Variants in ASAP2 observed in about 807,000 individuals in gnomAD.
ASAP2 encodes arf-GAP with SH3 domain, ANK repeat and PH domain-containing protein 2.
In ASAP2, 45 loss-of-function variants were observed where a neutral mutation model predicts 131.4. The ratio of observed to expected loss-of-function variants is 0.34; its 90% CI spans 0.27 to 0.44. The LOEUF (loss-of-function observed/expected upper bound fraction) is 0.44, where lower values mean the gene tolerates loss of function less well. Ranked by LOEUF, ASAP2 falls within the 20% of genes least tolerant of loss-of-function variation. ASAP2 has a pLI of 1.00. For synonymous variants in ASAP2, 510 were observed against 503.0 expected, an observed-to-expected ratio of 1.01 and a Z score of -0.19; for missense variants, 1,011 against 1,297.0, an observed-to-expected ratio of 0.78 and a Z score of 3.39.
chr2:9,294,296 G>A (rs1213912958), intron 2 of ASAP2, among the ~76,000 whole-genome samples: 1 of 152,072 alleles, frequency 6.6e-6, no homozygotes, highest in African/African-American at 2.4e-5. Context: ...ACCGTGTCCG[G>A]CCACTAATTT....
At chr2:9,332,300 G>T (rs1670896742) in intron 7 of ASAP2, among the ~76,000 whole-genome samples, 1 of 152,104 alleles carries the variant, frequency 6.6e-6, no homozygotes, top group South Asian at 2.1e-4. Flanking sequence ...AAGGAATAGT[G>T]TTCCTTTTCT....
At chr2:9,262,513 C>T (rs1253786600) in intron 1 of ASAP2, among the ~76,000 whole-genome samples, 1 of 152,162 alleles carries the variant, frequency 6.6e-6, no homozygotes, top group Non-Finnish European at 1.5e-5. Flanking sequence ...GAGGTGGAGT[C>T]CGTTTTTGAG....
At chr2:9,385,631 G>A (rs1234364179) in intron 21 of ASAP2, among the ~76,000 whole-genome samples, 1 of 152,176 alleles carries the variant, frequency 6.6e-6, no homozygotes, top group Non-Finnish European at 1.5e-5. Flanking sequence ...TGGCGGGGGG[G>A]TTGATTCCAG....
intron 15 of ASAP2, 76 bp from the exon 16 acceptor site, chr2:9,368,349 A>G: frequency 7.6e-7 from 1 of 1,309,224 alleles, no homozygotes; most frequent in Admixed American, 1.7e-5. Context: ...ATAAATCATC[A>G]GATGGGGATG....
intron 1 of ASAP2, among the ~76,000 whole-genome samples, chr2:9,270,785 A>ATTTTTTTTT (rs35913703): frequency 3.6e-4 from 19 of 52,932 alleles, no homozygotes; most frequent in Admixed American, 1.1e-3. Context: ...AATTGTTTTC[A>ATTTTTTTTT]TTTTTTTTTT....
At chr2:9,244,374 A>G (rs1664191358) in intron 1 of ASAP2, among the ~76,000 whole-genome samples, 1 of 152,222 alleles carries the variant, frequency 6.6e-6, no homozygotes, top group Non-Finnish European at 1.5e-5. Flanking sequence ...CACTGAGATT[A>G]GGAATAAGTT....
chr2:9,208,331 G>C (rs1661284392), intron 1 of ASAP2, among the ~76,000 whole-genome samples: 1 of 141,288 alleles, frequency 7.1e-6, no homozygotes. Context: ...GCCTGGGCTA[G>C]CAGGAGTGTG....
At chr2:9,307,337 C>G (rs1262101081) in intron 3 of ASAP2, among the ~76,000 whole-genome samples, 1 of 152,090 alleles carries the variant, frequency 6.6e-6, no homozygotes, top group Non-Finnish European at 1.5e-5. Context: ...GCTTCCGACT[C>G]TCACCCTTGG....
chr2:9,238,484 A>C (rs1377488714), intron 1 of ASAP2, among the ~76,000 whole-genome samples: 1 of 152,114 alleles, frequency 6.6e-6, no homozygotes, highest in African/African-American at 2.4e-5. Flanking sequence ...ACTTTCATCC[A>C]CCTTCCCATG....
intron 2 of ASAP2, among the ~76,000 whole-genome samples, chr2:9,289,497 C>T (rs145947560): frequency 9.0e-4 from 137 of 152,196 alleles, no homozygotes; most frequent in African/African-American, 2.9e-3. Context: ...AAAGTAAATG[C>T]GGATACATTC....
intron 20 of ASAP2, among the ~76,000 whole-genome samples, chr2:9,382,221 CA>C (rs1674911691): frequency 6.6e-6 from 1 of 152,124 alleles, no homozygotes; most frequent in Non-Finnish European, 1.5e-5. Flanking sequence ...TGACCTCAAG[CA>C]ATCCACCCGC....
At chr2:9,305,282 A>G (rs1347863246) in intron 3 of ASAP2, among the ~76,000 whole-genome samples, 5 of 146,588 alleles carry the variant, frequency 3.4e-5, no homozygotes, top group Non-Finnish European at 7.4e-5. Flanking sequence ...TGGGGTATAG[A>G]TGTTGGTGTA....
At chr2:9,238,899 C>T (rs1025573430) in intron 1 of ASAP2, among the ~76,000 whole-genome samples, 5 of 152,108 alleles carry the variant, frequency 3.3e-5, no homozygotes, top group South Asian at 4.1e-4. Flanking sequence ...CTTCTGTGAA[C>T]GCTGTTTGCC....
intron 1 of ASAP2, among the ~76,000 whole-genome samples, chr2:9,255,926 A>G (rs1013217729): frequency 2.6e-5 from 4 of 152,194 alleles, no homozygotes; most frequent in African/African-American, 9.6e-5. Context: ...GTAGCATGCT[A>G]GGCATTGAGG....
At chr2:9,338,315 C>T (rs1671353776) in intron 9 of ASAP2, among the ~76,000 whole-genome samples, 1 of 151,986 alleles carries the variant, frequency 6.6e-6, no homozygotes, top group Non-Finnish European at 1.5e-5. Flanking sequence ...CTCTGTCTGT[C>T]TGTGTCTGTC....
intron 23 of ASAP2, among the ~76,000 whole-genome samples, 165 bp from the exon 24 acceptor site, chr2:9,393,317 C>CT (rs547536178): frequency 1.3e-5 from 2 of 152,312 alleles, no homozygotes; most frequent in East Asian, 3.9e-4. Context: ...CCTGCTTCCT[C>CT]CCTGTGAATG....
chr2:9,394,471 G>A (rs529194018), intron 24 of ASAP2, among the ~76,000 whole-genome samples: 8 of 152,114 alleles, frequency 5.3e-5, no homozygotes, highest in Admixed American at 2.0e-4. Context: ...GCCCCAGTTC[G>A]TGGCTCTTAA....
chr2:9,377,809 G>C (rs1207467207), intron 18 of ASAP2, among the ~76,000 whole-genome samples: 1 of 152,192 alleles, frequency 6.6e-6, no homozygotes, highest in African/African-American at 2.4e-5. Flanking sequence ...CCAGAAAGTA[G>C]GGGAGTGTGG....
intron 2 of ASAP2, among the ~76,000 whole-genome samples, chr2:9,288,512 G>A (rs1231339516): frequency 1.3e-5 from 2 of 152,100 alleles, no homozygotes; most frequent in African/African-American, 4.8e-5. Flanking sequence ...TCACTGTGGT[G>A]AGCGTGGGGT....
Sources: allele counts gnomAD v4.1 joint callset (sites outside exome capture counted in the v4.1 genomes callset), GRCh38; gene constraint gnomAD v4.1.1; transcripts MANE v1.5; gene names NCBI Gene and HGNC (gene_info 2026-07-23, HGNC 2026-07-21).